Variants in DYSF observed in about 807,000 individuals in gnomAD.
The protein encoded by DYSF is dystrophy-associated fer-1-like 1.
In DYSF, 212 loss-of-function variants were observed where a neutral mutation model predicts 274.9. The observed-to-expected ratio is 0.77, with a 90% CI of 0.69 to 0.86. The LOEUF is 0.86. Among genes scored for constraint, DYSF ranks in the 40% least tolerant of loss-of-function variants. DYSF has a pLI of 0.00. For synonymous variants in DYSF, 1,091 were observed against 1,078.7 expected (o/e 1.01, Z -0.22); for missense variants, 2,666 against 2,783.2 (o/e 0.96, Z 0.95).
chr2:71,630,258 G>A (rs1254688369), intron 41 of DYSF, among the ~76,000 whole-genome samples: 2 of 152,250 alleles, frequency 1.3e-5, no homozygotes, highest in African/African-American at 4.8e-5. Flanking sequence ...GGTGGGAGAA[G>A]TAAGAAGGAA....
chr2:71,556,964 T>G (rs2152797606), intron 22 of DYSF, among the ~76,000 whole-genome samples: 1 of 152,346 alleles, frequency 6.6e-6, no homozygotes, highest in Non-Finnish European at 1.5e-5. Flanking sequence ...TGGTCACTGA[T>G]CCAGCATCCC....
At chr2:71,470,757 C>T (rs1396709404) in intron 1 of DYSF, among the ~76,000 whole-genome samples, 1 of 144,186 alleles carries the variant, frequency 6.9e-6, no homozygotes, top group South Asian at 2.2e-4. Context: ...TCCTTCCTTC[C>T]TTCCTTCCTT....
chr2:71,608,567 G>T (rs867098841), intron 36 of DYSF, among the ~76,000 whole-genome samples: 1 of 152,070 alleles, frequency 6.6e-6, no homozygotes, highest in South Asian at 2.1e-4. Flanking sequence ...TGGGCCCGAC[G>T]CTCCGCAGCT....
chr2:71,643,337 C>A (rs2094516699), intron 41 of DYSF, among the ~76,000 whole-genome samples: 1 of 152,158 alleles, frequency 6.6e-6, no homozygotes, highest in Non-Finnish European at 1.5e-5. Context: ...TCACATACTT[C>A]CTTTCTTCTC....
intron 13 of DYSF, 77 bp downstream of exon 13, chr2:71,526,423 G>A: frequency 3.0e-6 from 4 of 1,317,774 alleles, no homozygotes; most frequent in Non-Finnish European, 4.2e-6. Flanking sequence ...GGCGATGGCG[G>A]GCGGGGTCAG....
Position 71,514,064 on chromosome 2 carries a change from C to T in DYSF, c.759+143C>T, listed in dbSNP as rs1037943812. ...TCCTGTGGGGGAATCTGTAGTTTCCCTGGGCCTGGGCAGATGCCAAACAGG... is the reference window on the plus strand; with the variant it reads ...TCCTGTGGGGGAATCTGTAGTTTCCTTGGGCCTGGGCAGATGCCAAACAGG... On this transcript the variant is annotated intron_variant, in intron 7 of 55. Coordinates refer to ENST00000410020, the MANE Select transcript of DYSF (RefSeq NM_001130987.2). 1.3e-5 allele frequency: 12 copies of T among 953,856 alleles called. No homozygotes were observed. The Admixed American group carries it at 1.6e-4, about 13-fold the overall frequency. 59.1% of individuals were successfully genotyped at this position (953,856 alleles called of 1,614,324 possible).
intron 32 of DYSF, among the ~76,000 whole-genome samples, chr2:71,594,198 T>C (rs1283054541): frequency 6.6e-6 from 1 of 152,166 alleles, no homozygotes; most frequent in Non-Finnish European, 1.5e-5. Flanking sequence ...GTGCTGGGGA[T>C]TTCTTGCTTT....
chr2:71,568,788 TG>T (rs1430044878), intron 26 of DYSF, among the ~76,000 whole-genome samples: 1 of 152,156 alleles, frequency 6.6e-6, no homozygotes, highest in East Asian at 1.9e-4. Context: ...CTTGAACTCC[TG>T]GGCTCAAGTG....
At chr2:71,530,831 T>G (rs923616372) in intron 14 of DYSF, among the ~76,000 whole-genome samples, 1 of 152,064 alleles carries the variant, frequency 6.6e-6, no homozygotes, top group African/African-American at 2.4e-5. Context: ...TTTTCTCTCT[T>G]TACACCCTAA....
At chr2:71,638,252 C>T (rs375383479) in intron 41 of DYSF, among the ~76,000 whole-genome samples, 109 of 151,696 alleles carry the variant, frequency 7.2e-4, no homozygotes, top group African/African-American at 2.5e-3. Context: ...TTGAGATAAT[C>T]CATGTGAATA....
chr2:71,661,576 C>T (rs923868345), intron 45 of DYSF, among the ~76,000 whole-genome samples: 1 of 152,150 alleles, frequency 6.6e-6, no homozygotes, highest in Non-Finnish European at 1.5e-5. Context: ...TTCCTGAAAT[C>T]TGAGAACAAG....
chr2:71,466,590 T>G, upstream of DYSF: 1 of 1,193,852 alleles, frequency 8.4e-7, no homozygotes, highest in Non-Finnish European at 1.0e-6. Context: ...CTGACCCCTG[T>G]CCCTCCCCGC....
Position 71,664,515 on chromosome 2 carries a change from G to A in DYSF, c.5174+77G>A, listed in dbSNP as rs965249895. 6 of 1,569,868 alleles carry A rather than the reference G, an allele frequency of 3.8e-6. No homozygotes were observed. In the Admixed American group the frequency reaches 1.1e-4, roughly 28 times the overall value. On this transcript the variant is annotated intron_variant, in intron 46 of 55. Transcript: ENST00000410020. ...TCTTCTCTGACAACACACCACCACT[G>A]AGCACTTACTGTGTGCCAGCCCTGG...
At chr2:71,517,825 A>G in intron 10 of DYSF, among the ~76,000 whole-genome samples, 1 of 152,086 alleles carries the variant, frequency 6.6e-6, no homozygotes, top group South Asian at 2.1e-4. Flanking sequence ...AAAGTGTAAT[A>G]TATTTACAAG....
At chr2:71,540,182 C>T (rs1020531063) in intron 17 of DYSF, among the ~76,000 whole-genome samples, 25 of 150,616 alleles carry the variant, frequency 1.7e-4, no homozygotes, top group Admixed American at 1.5e-3. Flanking sequence ...CCAAACTCAG[C>T]TCACTGCAAT....
chr2:71,477,241 G>C (rs1364631319), intron 1 of DYSF, among the ~76,000 whole-genome samples: 4 of 152,162 alleles, frequency 2.6e-5, no homozygotes, highest in Non-Finnish European at 5.9e-5. Context: ...AATGGAGAGG[G>C]GAGAGGGTGC....
chr2:71,600,982 C>A, intron 34 of DYSF, 140 bp downstream of exon 34: 1 of 1,084,316 alleles, frequency 9.2e-7, no homozygotes, highest in Non-Finnish European at 1.3e-6. Flanking sequence ...GTCAGGACAC[C>A]ATCTAACATC....
At chr2:71,583,136 A>G (rs1004275238) in intron 30 of DYSF, among the ~76,000 whole-genome samples, 4 of 152,080 alleles carry the variant, frequency 2.6e-5, no homozygotes, top group South Asian at 4.2e-4. Context: ...TTAGTGGTAA[A>G]TGTATATGAT....
intron 22 of DYSF, among the ~76,000 whole-genome samples, chr2:71,557,440 C>T (rs528482844): frequency 6.2e-4 from 95 of 152,264 alleles, no homozygotes; most frequent in African/African-American, 2.1e-3. Flanking sequence ...TGGGCGGCCC[C>T]GAGGGTCTCT....
Sources: allele counts gnomAD v4.1 joint callset (sites outside exome capture counted in the v4.1 genomes callset), GRCh38; gene constraint gnomAD v4.1.1; transcripts MANE v1.5; gene names NCBI Gene and HGNC (gene_info 2026-07-23, HGNC 2026-07-21).